NFIA: variants seen among roughly 807,000 people sequenced by gnomAD.
NFIA encodes nuclear factor 1 A-type.
In NFIA, 8 loss-of-function variants were observed where a neutral mutation model predicts 62.8. The observed-to-expected ratio is 0.13, with a 90% CI of 0.07 to 0.23. The LOEUF (loss-of-function observed/expected upper bound fraction) is 0.23. Ranked by LOEUF, NFIA falls within the 10% of genes least tolerant of loss-of-function variation. The pLI, the probability that NFIA is intolerant of heterozygous loss-of-function variation, is 1.00. For missense variants in NFIA, 410 were observed against 642.1 expected (o/e 0.64, Z 3.91); for synonymous variants, 235 against 238.1 (o/e 0.99, Z 0.12).
intron 9 of NFIA, among the ~76,000 whole-genome samples, chr1:61,411,689 T>A (rs1390833242): frequency 1.3e-5 from 2 of 151,580 alleles, no homozygotes; most frequent in Non-Finnish European, 2.9e-5. Flanking sequence ...TATAAGATGG[T>A]GATATGTAAG....
chr1:61,193,567 T>C (rs529434350), intron 2 of NFIA, among the ~76,000 whole-genome samples: 14 of 152,358 alleles, frequency 9.2e-5, no homozygotes, highest in African/African-American at 3.1e-4. Context: ...GCAAAATTCA[T>C]TGTAGGTGCC....
chr1:61,425,976 T>A (rs1261949670), intron 9 of NFIA, among the ~76,000 whole-genome samples: 1 of 152,208 alleles, frequency 6.6e-6, no homozygotes, highest in Non-Finnish European at 1.5e-5. Flanking sequence ...ATTAGTTCCT[T>A]CTATAAAGAT....
chr1:61,277,061 A>G lies in NFIA; in HGVS notation c.560-459A>G, dbSNP rs183298883. Among the ~76,000 whole-genome samples, 4 of 152,362 alleles carry G rather than the reference A, an allele frequency of 2.6e-5. No individual in the cohort carries two copies. In the East Asian group the frequency reaches 5.8e-4, roughly 22 times the overall value. On this transcript the variant is annotated intron_variant, in intron 2 of 10. Transcript: ENST00000403491. ...GTCTGTTGCTGGAATGCAGAGCTAAATATCAACAGAACTTGTTACTGTTGT... is the reference window on the plus strand; with the variant it reads ...GTCTGTTGCTGGAATGCAGAGCTAAGTATCAACAGAACTTGTTACTGTTGT...
At chr1:61,302,227 G>T (rs1659532403) in intron 3 of NFIA, among the ~76,000 whole-genome samples, 1 of 152,016 alleles carries the variant, frequency 6.6e-6, no homozygotes, top group Admixed American at 6.6e-5. Context: ...CAAAAGTCTT[G>T]GTCATATAGA....
At chr1:61,191,570 T>G (rs1651626384) in intron 2 of NFIA, among the ~76,000 whole-genome samples, 1 of 152,210 alleles carries the variant, frequency 6.6e-6, no homozygotes, top group African/African-American at 2.4e-5. Context: ...AGGTTTTTGT[T>G]TCCATCAGCT....
At chr1:61,402,263 C>T (rs985554205) in intron 7 of NFIA, among the ~76,000 whole-genome samples, 4 of 151,874 alleles carry the variant, frequency 2.6e-5, no homozygotes, top group African/African-American at 9.7e-5. Context: ...TGGTCTCAAT[C>T]CCCTAACCTC....
At chr1:61,285,088 T>C (rs1162530481) in intron 3 of NFIA, among the ~76,000 whole-genome samples, 1 of 152,176 alleles carries the variant, frequency 6.6e-6, no homozygotes, top group East Asian at 1.9e-4. Context: ...TGAGGAGCCG[T>C]CATCAAATCA....
At chr1:61,403,917 A>G (rs1557760583) in intron 7 of NFIA, among the ~76,000 whole-genome samples, 187 bp from the exon 8 acceptor site, 1 of 152,178 alleles carries the variant, frequency 6.6e-6, no homozygotes, top group Non-Finnish European at 1.5e-5. Context: ...ACCCTAATCT[A>G]ACCTCCGTGT....
At chr1:61,245,175 G>C (rs1436279411) in intron 2 of NFIA, among the ~76,000 whole-genome samples, 1 of 152,068 alleles carries the variant, frequency 6.6e-6, no homozygotes, top group Non-Finnish European at 1.5e-5. Context: ...ATAAAATTTA[G>C]ATGGGTTTTT....
At chr1:61,322,745 C>G (rs779144011) in intron 3 of NFIA, among the ~76,000 whole-genome samples, 14 of 152,082 alleles carry the variant, frequency 9.2e-5, no homozygotes, top group Non-Finnish European at 2.1e-4. Context: ...AAAGGTATTA[C>G]AAAAACATGA....
At chr1:61,261,108 A>T (rs1467930643) in intron 2 of NFIA, among the ~76,000 whole-genome samples, 1 of 152,186 alleles carries the variant, frequency 6.6e-6, no homozygotes, top group Non-Finnish European at 1.5e-5. Context: ...AGCCCATTTT[A>T]TTTAGTGGCC....
At chr1:61,326,048 C>T (rs1164843129) in intron 3 of NFIA, among the ~76,000 whole-genome samples, 2 of 151,704 alleles carry the variant, frequency 1.3e-5, no homozygotes, top group Non-Finnish European at 2.9e-5. Context: ...TAAGGTAAGC[C>T]TTGGGAGGCA....
intron 10 of NFIA, chr1:61,439,661 T>C (rs1218878924): frequency 6.6e-6 from 1 of 152,178 alleles, no homozygotes; most frequent in Non-Finnish European, 1.5e-5. Context: ...GAGAGATGAA[T>C]TGTGGTTATG....
intron 6 of NFIA, among the ~76,000 whole-genome samples, chr1:61,369,598 A>G (rs1218736796): frequency 6.6e-6 from 1 of 152,176 alleles, no homozygotes; most frequent in East Asian, 1.9e-4. Context: ...GTTCTATCAT[A>G]TAAACACAGT....
In NFIA at chr1:61,354,446, T is replaced by C. The variant is rs190881798; in HGVS notation, c.818+1879T>C. Among the ~76,000 whole-genome samples, 1,474 of 152,312 alleles carry C rather than the reference T, an allele frequency of 9.7e-3. 16 individuals carry two copies. The highest frequency in any genetic ancestry group is 0.023 in the South Asian group (109 of 4,828). ...GTGCCAATATTAATGGGTCATTTTC[T>C]CTGTGGCAGGCACCATATTAGGTGA... On this transcript the variant is annotated intron_variant, in intron 5 of 10. Transcript: ENST00000403491.
intron 2 of NFIA, among the ~76,000 whole-genome samples, chr1:61,146,763 ACTT>A (rs1222403808): frequency 2.6e-5 from 4 of 152,338 alleles, no homozygotes; most frequent in East Asian, 1.9e-4. Context: ...GAAAGGGACT[ACTT>A]CTGCTGACCA....
chr1:61,224,766 CTG>C (rs1444723586), intron 2 of NFIA, among the ~76,000 whole-genome samples: 1 of 152,174 alleles, frequency 6.6e-6, no homozygotes, highest in Non-Finnish European at 1.5e-5. Context: ...GTACTTCAAA[CTG>C]TGTCCTTGGA....
chr1:61,444,476 T>A (rs1667720529), intron 10 of NFIA, among the ~76,000 whole-genome samples: 1 of 152,196 alleles, frequency 6.6e-6, no homozygotes, highest in Non-Finnish European at 1.5e-5. Flanking sequence ...CCGGCAGAGT[T>A]CAGAGGGAGC....
At chr1:61,180,696 T>TG (rs767384731) in intron 2 of NFIA, among the ~76,000 whole-genome samples, 4 of 152,180 alleles carry the variant, frequency 2.6e-5, no homozygotes, top group African/African-American at 4.8e-5. Context: ...GATGGTCTGA[T>TG]GGGGTCATGG....
Sources: gnomAD v4.1 joint callset for allele counts (sites outside exome capture counted in the v4.1 genomes callset) on GRCh38, gnomAD v4.1.1 for gene constraint, MANE v1.5 for transcripts, NCBI Gene and HGNC (gene_info 2026-07-23, HGNC 2026-07-21) for gene names.